Variants in MRPL22 observed in about 807,000 individuals in gnomAD.
The protein encoded by MRPL22 is large ribosomal subunit protein uL22m.
Under a neutral mutation model 32.4 loss-of-function variants are expected in MRPL22, and 27 were observed. The observed-to-expected ratio is 0.83, with a 90% CI of 0.61 to 1.15. The LOEUF is 1.15. Among genes scored for constraint, MRPL22 ranks in the 50% most tolerant of loss-of-function variants. The pLI is 0.00. For missense variants in MRPL22, 239 were observed against 260.2 expected (o/e 0.92, Z 0.56); for synonymous variants, 86 against 87.3 (o/e 0.99, Z 0.08).
At chr5:154,957,235 G>C (rs200373809) in intron 5 of MRPL22, 23 bp downstream of exon 5, 1 of 1,580,810 alleles carries the variant, frequency 6.3e-7, no homozygotes, top group East Asian at 2.2e-5. Flanking sequence ...GTTTGGGTGT[G>C]GTAGGGAATG....
intron 2 of MRPL22, among the ~76,000 whole-genome samples, chr5:154,945,043 G>A (rs1561737574): frequency 6.6e-6 from 1 of 152,174 alleles, no homozygotes; most frequent in Non-Finnish European, 1.5e-5. Context: ...ATGGGAAACT[G>A]TTGTAAGGTT....
At position 154,960,146 on chromosome 5, in the gene MRPL22, C is replaced by T. The variant is rs1764683720; in HGVS notation, c.409+97C>T. ...GTCTTTAATATCTAACTCCTCAGGA[C>T]TTGGTTTGTCAGTGAAAATTGCTAG... On this transcript the variant is annotated intron_variant, in intron 6 of 6. Coordinates refer to ENST00000523037, the MANE Select transcript of MRPL22 (RefSeq NM_014180.4). 4 of 861,282 alleles carry T rather than the reference C, an allele frequency of 4.6e-6. No homozygotes were observed. In the East Asian group the frequency reaches 7.9e-5, roughly 17 times the overall value. 53.4% of individuals were successfully genotyped at this position (861,282 alleles called of 1,614,324 possible). A position where few individuals can be genotyped will look rare whatever the true frequency, so the allele number is the denominator to read the frequency against.
intron 2 of MRPL22, among the ~76,000 whole-genome samples, chr5:154,947,865 A>G (rs576768869): frequency 6.6e-6 from 1 of 152,260 alleles, no homozygotes; most frequent in South Asian, 2.1e-4. Context: ...TTTCACATTG[A>G]GGTGACATTT....
At chr5:154,948,456 G>C (rs1764520356) in intron 2 of MRPL22, among the ~76,000 whole-genome samples, 1 of 152,016 alleles carries the variant, frequency 6.6e-6, no homozygotes, top group Admixed American at 6.6e-5. Flanking sequence ...GAGACAATTG[G>C]TTGTTTTGTA....
chr5:154,958,614 C>T (rs1018821858), intron 5 of MRPL22, among the ~76,000 whole-genome samples: 9 of 149,428 alleles, frequency 6.0e-5, no homozygotes, highest in African/African-American at 2.2e-4. Context: ...GCGCCATCTC[C>T]GCTCACTGTA....
intron 2 of MRPL22, among the ~76,000 whole-genome samples, chr5:154,943,657 CATAT>C (rs146396911): frequency 2.0e-5 from 3 of 150,556 alleles, no homozygotes; most frequent in African/African-American, 7.4e-5. Flanking sequence ...TATACACACA[CATAT>C]ATATATAGAT....
chr5:154,961,043 T>TA (rs113741764), intron 6 of MRPL22, among the ~76,000 whole-genome samples: 68 of 150,452 alleles, frequency 4.5e-4, no homozygotes, highest in Admixed American at 6.6e-4. Flanking sequence ...ACAATTAGAG[T>TA]AAAAAAAAAA....
At chr5:154,955,832 A>G (rs562425247) in intron 3 of MRPL22, 2 of 152,618 alleles carry the variant, frequency 1.3e-5, no homozygotes, top group Admixed American at 6.5e-5. Context: ...ACAGAAGAGG[A>G]AAATTAGAGA....
chr5:154,950,111 A>G (rs1764539664), intron 2 of MRPL22, among the ~76,000 whole-genome samples: 1 of 152,154 alleles, frequency 6.6e-6, no homozygotes, highest in Admixed American at 6.5e-5. Context: ...GGGGAAGGTG[A>G]AGGGGAAGCA....
chr5:154,966,826 A>G lies in MRPL22; in HGVS notation c.550A>G (p.Lys184Glu). ...EGPPPPPEPPKTAVAHAKEYI... is the reference protein window; with the variant it reads ...EGPPPPPEPPETAVAHAKEYI... ...GCCCCCACCTCCACCTGAGCCACCA[A>G]AGACGGCAGTTGCCCATGCCAAAGA... is the stretch of plus-strand genomic sequence containing the variant. The change falls in exon 7 of 7, where the codon AAG (lysine) becomes GAG (glutamate). Residue 184 changes from lysine to glutamate, a missense_variant. Physicochemically the swap from Lys to Glu is moderately conservative, Grantham distance 56 (BLOSUM62 1). Coordinates refer to ENST00000523037, the MANE Select transcript of MRPL22 (RefSeq NM_014180.4). 2 of 1,614,174 alleles carry G rather than the reference A, an allele frequency of 1.2e-6. No individual in the cohort carries two copies. Among genetic ancestry groups the G allele is most frequent in the Non-Finnish European group, 1.7e-6 (2 of 1,180,036 alleles).
At chr5:154,941,364 T>G in intron 2 of MRPL22, 99 bp downstream of exon 2, 3 of 1,470,510 alleles carry the variant, frequency 2.0e-6, no homozygotes, top group Non-Finnish European at 2.8e-6. Flanking sequence ...TGTTTTAGGC[T>G]CTGGGGTTAC....
In MRPL22 at chr5:154,941,140, T is replaced by C; in HGVS notation, c.28+2T>C. On this transcript the variant is annotated splice_donor_variant, in intron 1 of 6. Coordinates refer to ENST00000523037, the MANE Select transcript of MRPL22 (RefSeq NM_014180.4). LOFTEE classifies it high-confidence loss of function. ...CGGCGGCAGTACTGGGACAGTTGGG[T>C]AAGGATTTCTTAGTGGTTAAGCGAC... The C allele has an allele frequency of 1.2e-6, 2 of 1,613,920 alleles. No homozygotes were observed. The highest frequency in any genetic ancestry group is 1.7e-6 in the Non-Finnish European group (2 of 1,180,002).
rs752486290 is a variant in MRPL22, at chr5:154,941,115, C to T, written c.5C>T (p.Ala2Val). Reference sequence around the variant, plus strand: ...TCCGTAGCGGGAGGGCGAAAGATGGCGGCGGCAGTACTGGGACAGTTGGGT... The same window carrying T: ...TCCGTAGCGGGAGGGCGAAAGATGGTGGCGGCAGTACTGGGACAGTTGGGT... MAAAVLGQLGAL... is the reference protein window; with the variant it reads MVAAVLGQLGAL... Residue 2 changes from alanine to valine, a missense_variant, in exon 1 of 7, where the codon GCG becomes GTG. By Grantham distance (64) the Ala-to-Val change is moderately conservative. Coordinates refer to ENST00000523037, the MANE Select transcript of MRPL22 (RefSeq NM_014180.4). 5.6e-6 allele frequency: 9 copies of T among 1,613,782 alleles called. No homozygotes were observed. The highest frequency in any genetic ancestry group is 3.3e-5 in the South Asian group (3 of 91,068).
At chr5:154,947,117 G>A (rs1764502298) in intron 2 of MRPL22, among the ~76,000 whole-genome samples, 1 of 152,164 alleles carries the variant, frequency 6.6e-6, no homozygotes, top group African/African-American at 2.4e-5. Flanking sequence ...CCTTTTAAGT[G>A]TCAGGTTAAG....
chr5:154,966,632 T>A, intron 6 of MRPL22, 54 bp from the exon 7 acceptor site: 2 of 1,580,804 alleles, frequency 1.3e-6, no homozygotes, highest in Non-Finnish European at 1.7e-6. Flanking sequence ...GCTCAGCTGA[T>A]CAGGCTTGTG....
In MRPL22 at chr5:154,967,494, G is replaced by A. The variant is rs1764785046; in HGVS notation, c.*597G>A. 6.6e-6 allele frequency: 1 copy of A among 152,250 alleles called. No homozygotes were observed. Among genetic ancestry groups the A allele is most frequent in the Non-Finnish European group, 1.5e-5 (1 of 68,106 alleles). The allele number at this position is 152,250 out of a possible 1,614,324, so 9.4% of individuals were successfully genotyped here. A position where few individuals can be genotyped will look rare whatever the true frequency, so the allele number is the denominator to read the frequency against. ...ACTTTGAAAATTTTCTTTTGGTTAAGCAAAGCCTGTTTTTATTTCTTCTTC... is the reference window on the plus strand; with the variant it reads ...ACTTTGAAAATTTTCTTTTGGTTAAACAAAGCCTGTTTTTATTTCTTCTTC... On this transcript the variant is annotated 3_prime_UTR_variant, in exon 7 of 7. Coordinates refer to ENST00000523037, the MANE Select transcript of MRPL22 (RefSeq NM_014180.4). The surrounding 1 kb of genome is among the most constrained non-coding windows in gnomAD (Gnocchi z 4.7).
chr5:154,942,251 G>C (rs1764428054), intron 2 of MRPL22, among the ~76,000 whole-genome samples: 1 of 152,120 alleles, frequency 6.6e-6, no homozygotes. Flanking sequence ...AGCTCTAGTA[G>C]ATTTTAAAAA....
chr5:154,946,605 G>A (rs985232179), intron 2 of MRPL22, among the ~76,000 whole-genome samples: 19 of 152,074 alleles, frequency 1.2e-4, no homozygotes, highest in African/African-American at 4.6e-4. Context: ...CCTGAGGTCA[G>A]GAGTTCAAGA....
At chr5:154,965,948 C>T (rs1161186021) in intron 6 of MRPL22, among the ~76,000 whole-genome samples, 1 of 152,164 alleles carries the variant, frequency 6.6e-6, no homozygotes, top group Non-Finnish European at 1.5e-5. Flanking sequence ...TCAGCATCTG[C>T]ATTTTAATTA....
Sources: gnomAD v4.1 joint callset for allele counts (sites outside exome capture counted in the v4.1 genomes callset) on GRCh38, gnomAD v4.1.1 for gene constraint, Gnocchi (gnomAD v3.1) non-coding constraint, MANE v1.5 for transcripts, NCBI Gene and HGNC (gene_info 2026-07-23, HGNC 2026-07-21) for gene names.